LMO7: variants seen among roughly 807,000 people sequenced by gnomAD.
LMO7 encodes the protein LIM domain only protein 7.
In LMO7, 120 loss-of-function variants were observed where a neutral mutation model predicts 206.5. That is an observed-to-expected ratio of 0.58 (90% CI 0.50 to 0.68). The LOEUF (loss-of-function observed/expected upper bound fraction) is 0.68, where lower values mean the gene tolerates loss of function less well. Ranked by LOEUF, LMO7 falls within the 30% of genes least tolerant of loss-of-function variation. LMO7 has a pLI of 0.00. For missense variants in LMO7, 1,959 were observed against 1,957.9 expected (o/e 1.00, Z -0.01); for synonymous variants, 706 against 681.5 (o/e 1.04, Z -0.56).
At chr13:75,835,902 G>A (rs2059075470) in intron 18 of LMO7, among the ~76,000 whole-genome samples, 2 of 151,958 alleles carry the variant, frequency 1.3e-5, no homozygotes, top group South Asian at 4.1e-4. Flanking sequence ...AAGTCATGTG[G>A]TTTCTATTTA....
chr13:75,823,306 A>G (rs930298873), intron 14 of LMO7, among the ~76,000 whole-genome samples: 1 of 152,198 alleles, frequency 6.6e-6, no homozygotes, highest in African/African-American at 2.4e-5. Flanking sequence ...TTTAATGCTT[A>G]AGATGTTTGC....
At chr13:75,755,196 G>T (rs960031063) in intron 3 of LMO7, among the ~76,000 whole-genome samples, 1 of 152,090 alleles carries the variant, frequency 6.6e-6, no homozygotes. Context: ...TGTTGCCAGC[G>T]GCTGGTCTTC....
chr13:75,766,241 T>TTTC (rs1331680844), intron 4 of LMO7, among the ~76,000 whole-genome samples: 1 of 143,492 alleles, frequency 7.0e-6, no homozygotes, highest in African/African-American at 2.7e-5. Context: ...CTCAGTCTTT[T>TTTC]TTTTTTTTTT....
chr13:75,727,263 TTC>T (rs956360422), intron 3 of LMO7, among the ~76,000 whole-genome samples, 165 bp downstream of exon 3: 1 of 152,080 alleles, frequency 6.6e-6, no homozygotes, highest in African/African-American at 2.4e-5. Context: ...TGCAGTTCCT[TTC>T]TCTGTTTCCC....
chr13:75,838,402 G>A (rs2059311964), intron 20 of LMO7: 7 of 1,290,366 alleles, frequency 5.4e-6, no homozygotes, highest in South Asian at 1.3e-5. Context: ...ATGGGTCTTT[G>A]TGTGTCCTTT....
intron 17 of LMO7, 134 bp from the exon 18 acceptor site, chr13:75,835,099 T>C (rs2059012555): frequency 1.7e-6 from 2 of 1,155,702 alleles, no homozygotes; most frequent in African/African-American, 3.2e-5. Context: ...ATGACTTTAT[T>C]CTTTCCACTT....
At chr13:75,852,955 T>C in intron 27 of LMO7, 137 bp from the exon 28 acceptor site, 1 of 684,756 alleles carries the variant, frequency 1.5e-6, no homozygotes. Flanking sequence ...GGAACATCTG[T>C]ATATGTAACT....
At chr13:75,682,316 G>A (rs2139520588) in intron 1 of LMO7, among the ~76,000 whole-genome samples, 1 of 152,288 alleles carries the variant, frequency 6.6e-6, no homozygotes, top group South Asian at 2.1e-4. Flanking sequence ...ATGAATTTCT[G>A]GATGTCAGGA....
At chr13:75,849,399 G>A (rs936219874) in intron 27 of LMO7, 107 bp downstream of exon 27, 26 of 796,658 alleles carry the variant, frequency 3.3e-5, no homozygotes, top group Admixed American at 2.0e-4. Context: ...AACATAGAGC[G>A]AACGCTCTGG....
chr13:75,798,644 C>T (rs2140881379), intron 6 of LMO7, among the ~76,000 whole-genome samples: 1 of 152,180 alleles, frequency 6.6e-6, no homozygotes, highest in East Asian at 1.9e-4. Context: ...TGTATCAGTT[C>T]TATTAAAATC....
chr13:75,804,754 T>G (rs2055218876), intron 8 of LMO7: 2 of 1,059,052 alleles, frequency 1.9e-6, no homozygotes, highest in Admixed American at 7.4e-5. Context: ...TGCTAGGTCT[T>G]TTTTTAGATG....
At chr13:75,836,856 G>A (rs1006878644) in intron 19 of LMO7, among the ~76,000 whole-genome samples, 10 of 152,198 alleles carry the variant, frequency 6.6e-5, no homozygotes, top group Non-Finnish European at 1.0e-4. Context: ...GCAGTTAGCT[G>A]TAAGAGGGAA....
chr13:75,758,937 C>T (rs1343655856), intron 3 of LMO7, among the ~76,000 whole-genome samples: 1 of 152,070 alleles, frequency 6.6e-6, no homozygotes, highest in Non-Finnish European at 1.5e-5. Flanking sequence ...AGTTCATTTT[C>T]ACACTGCTGT....
intron 4 of LMO7, among the ~76,000 whole-genome samples, chr13:75,781,693 G>A (rs1053614978): frequency 1.1e-4 from 16 of 150,536 alleles, no homozygotes; most frequent in African/African-American, 3.6e-4. Flanking sequence ...GATCCCTGAG[G>A]AATCGCCACA....
chr13:75,783,391 T>G (rs1187317172), intron 4 of LMO7, among the ~76,000 whole-genome samples: 1 of 152,296 alleles, frequency 6.6e-6, no homozygotes, highest in East Asian at 1.9e-4. Context: ...GGTGCGATTT[T>G]GGCTCACTGC....
At chr13:75,703,706 CA>C (rs894901131) in intron 1 of LMO7, among the ~76,000 whole-genome samples, 29 of 147,272 alleles carry the variant, frequency 2.0e-4, no homozygotes, top group Admixed American at 6.7e-4. Flanking sequence ...TCTCTGACTT[CA>C]GGTTCTTTGT....
intron 2 of LMO7, among the ~76,000 whole-genome samples, chr13:75,626,595 A>ATATATATATATATATATATATTTTTTTTT: frequency 2.8e-5 from 2 of 71,094 alleles, no homozygotes; most frequent in Non-Finnish European, 3.6e-5. Flanking sequence ...ATATATATAA[A>ATATATATATATATATATATATTTTTTTTT]TTTTTTTGAG....
At chr13:75,795,134 G>GA (rs2053810742) in intron 4 of LMO7, among the ~76,000 whole-genome samples, 1 of 151,924 alleles carries the variant, frequency 6.6e-6, no homozygotes, top group Admixed American at 6.6e-5. Context: ...TGAATAAAAT[G>GA]AAAAAACAGC....
chr13:75,826,003 G>T (rs983179875), intron 15 of LMO7, among the ~76,000 whole-genome samples: 5 of 151,804 alleles, frequency 3.3e-5, no homozygotes, highest in African/African-American at 1.2e-4. Context: ...CCCCCTTGAT[G>T]TTATTCTTTT....
Sources: allele counts gnomAD v4.1 joint callset (sites outside exome capture counted in the v4.1 genomes callset), GRCh38; gene constraint gnomAD v4.1.1; transcripts MANE v1.5; gene names NCBI Gene and HGNC (gene_info 2026-07-23, HGNC 2026-07-21).